Variants in SPATA6 observed in about 807,000 individuals in gnomAD.
SPATA6 encodes the protein spermatogenesis associated 6.
A neutral mutation model predicts 65.3 loss-of-function variants in SPATA6; 56 were observed. That is an observed-to-expected ratio of 0.86 (90% CI 0.69 to 1.07). The LOEUF is 1.07. Ranked by LOEUF, SPATA6 falls within the 50% of genes least tolerant of loss-of-function variation. The pLI is 0.00. For synonymous variants in SPATA6, 199 were observed against 213.2 expected (o/e 0.93, Z 0.58); for missense variants, 590 against 594.8 (o/e 0.99, Z 0.08).
At chr1:48,306,148 A>G (rs527272215) in intron 11 of SPATA6, among the ~76,000 whole-genome samples, 1 of 152,156 alleles carries the variant, frequency 6.6e-6, no homozygotes, top group South Asian at 2.1e-4. Context: ...CCATAAAAAT[A>G]GAGGAATGAA....
intron 12 of SPATA6, among the ~76,000 whole-genome samples, chr1:48,305,415 A>T (rs1178894854): frequency 6.6e-6 from 1 of 152,180 alleles, no homozygotes; most frequent in Admixed American, 6.5e-5. Flanking sequence ...TATTATTAAC[A>T]TTCCTCAAAT....
intron 11 of SPATA6, among the ~76,000 whole-genome samples, chr1:48,348,727 C>T (rs934862930): frequency 1.3e-5 from 2 of 152,016 alleles, no homozygotes; most frequent in African/African-American, 4.8e-5. Flanking sequence ...TGTATGTATT[C>T]TAACTCAGGT....
intron 3 of SPATA6, among the ~76,000 whole-genome samples, chr1:48,442,603 G>A (rs1187636188): frequency 6.6e-6 from 1 of 150,886 alleles, no homozygotes; most frequent in Admixed American, 6.6e-5. Context: ...GAAAGAGAGA[G>A]AGAGAGAAAG....
intron 9 of SPATA6, among the ~76,000 whole-genome samples, chr1:48,370,224 A>G (rs561024679): frequency 1.4e-4 from 22 of 152,322 alleles, no homozygotes; most frequent in Non-Finnish European, 2.6e-4. Flanking sequence ...TATTCTCTAA[A>G]GTTTCTCTTC....
chr1:48,365,721 C>A (rs559473258), intron 9 of SPATA6, among the ~76,000 whole-genome samples: 1 of 152,156 alleles, frequency 6.6e-6, no homozygotes, highest in Non-Finnish European at 1.5e-5. Flanking sequence ...TCTAGATATA[C>A]AATCATGTCA....
At chr1:48,326,521 CAAAAAAA>C (rs1330859768) in intron 11 of SPATA6, among the ~76,000 whole-genome samples, 1 of 80,086 alleles carries the variant, frequency 1.2e-5, no homozygotes, top group African/African-American at 4.2e-5. Flanking sequence ...TCATATGAAA[CAAAAAAA>C]AAAAAAAAGA....
At chr1:48,337,416 T>C (rs1646089952) in intron 11 of SPATA6, among the ~76,000 whole-genome samples, 1 of 151,872 alleles carries the variant, frequency 6.6e-6, no homozygotes, top group Non-Finnish European at 1.5e-5. Context: ...AAAAGTATCA[T>C]ATTTAATTTC....
chr1:48,378,860 G>A (rs1209621084), intron 9 of SPATA6, among the ~76,000 whole-genome samples: 1 of 152,056 alleles, frequency 6.6e-6, no homozygotes, highest in East Asian at 1.9e-4. Flanking sequence ...ATTGATAAAT[G>A]GATAAAGAAA....
chr1:48,441,666 G>C (rs781514824), intron 3 of SPATA6, among the ~76,000 whole-genome samples: 2 of 152,100 alleles, frequency 1.3e-5, no homozygotes, highest in Non-Finnish European at 2.9e-5. Context: ...GGCAGGAATA[G>C]CTCTTGGGGT....
At chr1:48,328,362 T>C (rs1645823139) in intron 11 of SPATA6, among the ~76,000 whole-genome samples, 1 of 151,982 alleles carries the variant, frequency 6.6e-6, no homozygotes, top group Non-Finnish European at 1.5e-5. Context: ...AAATGATCCA[T>C]CCATCAACTG....
chr1:48,270,903 T>G, the SPATA6 span, among the ~76,000 whole-genome samples: 2 of 152,134 alleles, frequency 1.3e-5, no homozygotes, highest in Non-Finnish European at 2.9e-5. Flanking sequence ...TGTTTGAATA[T>G]TCACATAAAT....
chr1:48,374,302 G>C (rs1647635324), intron 9 of SPATA6, among the ~76,000 whole-genome samples: 2 of 149,092 alleles, frequency 1.3e-5, no homozygotes, highest in Non-Finnish European at 3.0e-5. Flanking sequence ...CAACAAAAAT[G>C]TAATTTTATA....
intron 3 of SPATA6, among the ~76,000 whole-genome samples, chr1:48,438,686 C>T (rs573549291): frequency 6.6e-6 from 1 of 152,196 alleles, no homozygotes; most frequent in Non-Finnish European, 1.5e-5. Flanking sequence ...TGGGTTCTAA[C>T]GCCTGTCAGA....
chr1:48,413,196 C>T (rs1652429199), intron 3 of SPATA6, 45 bp from the exon 4 acceptor site: 1 of 1,154,978 alleles, frequency 8.7e-7, no homozygotes. Context: ...AAATTAATAA[C>T]AAAAAAATTA....
At chr1:48,464,309 CAAACAAAACA>C (rs528491458) in intron 1 of SPATA6, among the ~76,000 whole-genome samples, 184 of 151,912 alleles carry the variant, frequency 1.2e-3, no homozygotes, top group African/African-American at 4.1e-3. Flanking sequence ...AAAGACAAGG[CAAACAAAACA>C]AAACAAAACA....
chr1:48,314,696 C>A (rs917916297), intron 11 of SPATA6, among the ~76,000 whole-genome samples: 1 of 152,012 alleles, frequency 6.6e-6, no homozygotes, highest in African/African-American at 2.4e-5. Flanking sequence ...AAGATCAGAG[C>A]AGAACTGAAG....
the SPATA6 span, among the ~76,000 whole-genome samples, chr1:48,273,849 C>T: frequency 1.6e-4 from 24 of 152,154 alleles, 1 homozygote; most frequent in East Asian, 2.5e-3. Flanking sequence ...ATCCTTTGGG[C>T]CTGTGCCCTG....
At chr1:48,409,523 C>T (rs1652016512) in intron 5 of SPATA6, among the ~76,000 whole-genome samples, 1 of 152,198 alleles carries the variant, frequency 6.6e-6, no homozygotes, top group Non-Finnish European at 1.5e-5. Context: ...TAGGCAGTGC[C>T]CCAGTAGGGA....
At chr1:48,307,669 C>G (rs976938315) in intron 11 of SPATA6, among the ~76,000 whole-genome samples, 1 of 151,498 alleles carries the variant, frequency 6.6e-6, no homozygotes, top group Non-Finnish European at 1.5e-5. Context: ...TTCTGTCTGT[C>G]CTATCCACTG....
Sources: allele counts gnomAD v4.1 joint callset (sites outside exome capture counted in the v4.1 genomes callset), GRCh38; gene constraint gnomAD v4.1.1; transcripts MANE v1.5; gene names NCBI Gene and HGNC (gene_info 2026-07-23, HGNC 2026-07-21).